RBM19: variants seen among roughly 807,000 people sequenced by gnomAD.
RBM19 encodes probable RNA-binding protein 19.
In RBM19, 94 loss-of-function variants were observed where a neutral mutation model predicts 116.8. That is an observed-to-expected ratio of 0.80 (90% CI 0.68 to 0.95). The LOEUF (loss-of-function observed/expected upper bound fraction) is 0.95, where lower values mean the gene tolerates loss of function less well. Ranked by LOEUF, RBM19 falls within the 40% of genes least tolerant of loss-of-function variation. The pLI, the probability that RBM19 is intolerant of heterozygous loss-of-function variation, is 0.00. For missense variants in RBM19, 1,161 were observed against 1,220.7 expected (o/e 0.95, Z 0.73); for synonymous variants, 475 against 494.1 (o/e 0.96, Z 0.51).
chr12:113,915,702 T>G (rs1249960280), intron 20 of RBM19, among the ~76,000 whole-genome samples: 2 of 152,230 alleles, frequency 1.3e-5, no homozygotes, highest in East Asian at 3.9e-4. Flanking sequence ...TCTGCGATCT[T>G]GGGCAAGTAA....
At chr12:113,876,017 TTGGGGTGGGTG>T (rs1486452907) in intron 21 of RBM19, among the ~76,000 whole-genome samples, 4 of 152,134 alleles carry the variant, frequency 2.6e-5, no homozygotes, top group Non-Finnish European at 5.9e-5. Flanking sequence ...GACGTGTGCC[TTGGGGTGGGTG>T]TGGGGTGGGG....
At chr12:113,835,438 C>T (rs1051621246) in intron 23 of RBM19, among the ~76,000 whole-genome samples, 4 of 152,026 alleles carry the variant, frequency 2.6e-5, no homozygotes, top group African/African-American at 9.7e-5. Context: ...CTGTGGTACT[C>T]GAGGAGGACC....
intron 21 of RBM19, among the ~76,000 whole-genome samples, chr12:113,871,828 G>A (rs1181936573): frequency 2.6e-5 from 4 of 152,120 alleles, no homozygotes; most frequent in African/African-American, 7.2e-5. Context: ...GCCGGCGAGC[G>A]CCGCCCGGGA....
downstream of RBM19, among the ~76,000 whole-genome samples, chr12:113,818,816 C>A (rs147370495): frequency 6.6e-6 from 1 of 152,158 alleles, no homozygotes; most frequent in African/African-American, 2.4e-5. Flanking sequence ...TCACTCCTGT[C>A]CCTCCTCCAG....
chr12:113,830,517 T>TGGTGAA lies in RBM19; in HGVS notation c.2786-7202_2786-7197dup. On this transcript the variant is annotated intron_variant, in intron 23 of 23. Transcript: ENST00000261741. The stretch of plus-strand genomic sequence containing the variant: ...CACGCACAACCCCATACACAGGGGC[T>TGGTGAA]GGTGAAGGTGCTGCAGCCCTGATAC... Among the ~76,000 whole-genome samples, 3 of 122,942 alleles carry TGGTGAA rather than the reference T, an allele frequency of 2.4e-5. No homozygotes were observed. The South Asian group carries it at 7.8e-4, about 32-fold the overall frequency. 80.7% of individuals were successfully genotyped at this position (122,942 alleles called of 152,430 possible). A position where few individuals can be genotyped will look rare whatever the true frequency, so the allele number is the denominator to read the frequency against.
intron 21 of RBM19, 33 bp downstream of exon 21, chr12:113,914,936 G>T (rs922099994): frequency 6.4e-6 from 10 of 1,572,400 alleles, no homozygotes; most frequent in African/African-American, 1.4e-5. Context: ...CCGCCCACAC[G>T]CCAGTCCCCT....
intron 7 of RBM19, among the ~76,000 whole-genome samples, chr12:113,953,534 G>C (rs993106471): frequency 6.6e-6 from 1 of 152,192 alleles, no homozygotes; most frequent in Non-Finnish European, 1.5e-5. Context: ...AAATGTGAGA[G>C]AGTATGATCC....
chr12:113,949,855 T>C (rs1032466330), intron 9 of RBM19, among the ~76,000 whole-genome samples: 6 of 152,164 alleles, frequency 3.9e-5, no homozygotes, highest in African/African-American at 1.4e-4. Context: ...ATCACACATT[T>C]AACCACCTGT....
At chr12:113,830,333 G>A (rs1875263578) in intron 23 of RBM19, among the ~76,000 whole-genome samples, 1 of 152,100 alleles carries the variant, frequency 6.6e-6, no homozygotes, top group Admixed American at 6.6e-5. Context: ...AATGGCCTGG[G>A]GTGAGCACGG....
intron 21 of RBM19, among the ~76,000 whole-genome samples, chr12:113,874,280 T>C (rs1460170645): frequency 1.3e-5 from 2 of 152,214 alleles, no homozygotes; most frequent in Non-Finnish European, 2.9e-5. Flanking sequence ...TGCTGATGAA[T>C]GGAGTTATTA....
chr12:113,830,354 C>T (rs563205119), intron 23 of RBM19, among the ~76,000 whole-genome samples: 4 of 152,224 alleles, frequency 2.6e-5, no homozygotes, highest in African/African-American at 9.6e-5. Flanking sequence ...GATATGATGA[C>T]TGCTATGATG....
intron 15 of RBM19, among the ~76,000 whole-genome samples, chr12:113,939,535 G>C: frequency 6.6e-6 from 1 of 151,906 alleles, no homozygotes; most frequent in East Asian, 2.0e-4. Context: ...GGATCACGAG[G>C]TCAGGAGATC....
chr12:113,932,448 C>T (rs1447211923), intron 16 of RBM19: 1 of 152,182 alleles, frequency 6.6e-6, no homozygotes, highest in Non-Finnish European at 1.5e-5. Flanking sequence ...ATAAGACAAC[C>T]CAGTGTGGGG....
At chr12:113,883,989 T>C (rs191100763) in intron 21 of RBM19, among the ~76,000 whole-genome samples, 264 of 152,070 alleles carry the variant, frequency 1.7e-3, no homozygotes, top group African/African-American at 6.1e-3. Flanking sequence ...TAAAAATATA[T>C]ACATGTTGGG....
intron 21 of RBM19, among the ~76,000 whole-genome samples, chr12:113,868,581 G>A (rs943732870): frequency 1.3e-5 from 2 of 152,152 alleles, no homozygotes; most frequent in African/African-American, 4.8e-5. Flanking sequence ...GGTGCATGGA[G>A]GATTTCTCTG....
intron 23 of RBM19, among the ~76,000 whole-genome samples, chr12:113,841,416 TC>T (rs1876460159): frequency 6.7e-6 from 1 of 149,550 alleles, no homozygotes; most frequent in Non-Finnish European, 1.5e-5. Flanking sequence ...ACTTTCTTTT[TC>T]TTTTCTTTTT....
intron 21 of RBM19, among the ~76,000 whole-genome samples, chr12:113,874,708 G>A (rs1879535004): frequency 6.6e-6 from 1 of 152,336 alleles, no homozygotes; most frequent in East Asian, 1.9e-4. Flanking sequence ...GATGGATAGG[G>A]AAGGCGGCTT....
intron 13 of RBM19, 40 bp from the exon 14 acceptor site, chr12:113,942,474 C>A: frequency 6.5e-7 from 1 of 1,538,372 alleles, no homozygotes; most frequent in Non-Finnish European, 8.8e-7. Context: ...TGGCTGTCGG[C>A]CAGGTGACTT....
intron 18 of RBM19, among the ~76,000 whole-genome samples, chr12:113,922,014 G>A (rs1477256584): frequency 6.6e-6 from 1 of 152,172 alleles, no homozygotes; most frequent in Admixed American, 6.5e-5. Flanking sequence ...AGAGGCTGGA[G>A]TACTGGATCC....
Sources: allele counts gnomAD v4.1 joint callset (sites outside exome capture counted in the v4.1 genomes callset), GRCh38; gene constraint gnomAD v4.1.1; transcripts MANE v1.5; gene names NCBI Gene and HGNC (gene_info 2026-07-23, HGNC 2026-07-21).